Variants in FHIT observed in about 807,000 individuals in gnomAD.
The protein encoded by FHIT is fragile histidine triad diadenosine triphosphatase, also known as bis(5'-adenosyl)-triphosphatase.
A neutral mutation model predicts 17.9 loss-of-function variants in FHIT; 19 were observed. That is an observed-to-expected ratio of 1.06 (90% CI 0.74 to 1.56). The LOEUF (loss-of-function observed/expected upper bound fraction) is 1.56. Among genes scored for constraint, FHIT ranks in the 40% most tolerant of loss-of-function variants. The pLI is 0.00. For synonymous variants in FHIT, 81 were observed against 69.7 expected, an observed-to-expected ratio of 1.16 and a Z score of -0.81; for missense variants, 248 against 189.2, an observed-to-expected ratio of 1.31 and a Z score of -1.82.
intron 5 of FHIT, among the ~76,000 whole-genome samples, chr3:60,505,501 A>G: frequency 6.6e-6 from 1 of 152,254 alleles, no homozygotes; most frequent in East Asian, 1.9e-4. Context: ...ATCTTATGAC[A>G]AAGTTACAGA....
At chr3:60,752,662 CA>C (rs1226315201) in intron 4 of FHIT, among the ~76,000 whole-genome samples, 1 of 152,248 alleles carries the variant, frequency 6.6e-6, no homozygotes, top group African/African-American at 2.4e-5. Context: ...TTTCCAAATC[CA>C]ATCATGAGTG....
intron 5 of FHIT, among the ~76,000 whole-genome samples, chr3:60,436,610 T>G (rs1054672433): frequency 1.5e-4 from 23 of 152,210 alleles, no homozygotes; most frequent in African/African-American, 5.3e-4. Flanking sequence ...ACACCATTCT[T>G]CATAAATCAA....
chr3:61,192,502 A>C (rs969797327), intron 2 of FHIT, among the ~76,000 whole-genome samples: 2 of 152,210 alleles, frequency 1.3e-5, no homozygotes, highest in Non-Finnish European at 2.9e-5. Context: ...ATGCCTTCCC[A>C]TCAATCATGA....
At chr3:60,167,283 T>C (rs1470408994) in intron 5 of FHIT, among the ~76,000 whole-genome samples, 3 of 152,228 alleles carry the variant, frequency 2.0e-5, no homozygotes, top group Non-Finnish European at 2.9e-5. Flanking sequence ...AGAAGTATGA[T>C]GCTTGATAAC....
intron 9 of FHIT, 54 bp downstream of exon 9, chr3:59,752,167 C>A: frequency 7.7e-7 from 1 of 1,294,232 alleles, no homozygotes; most frequent in Non-Finnish European, 1.1e-6. Context: ...AGAGTGCAGC[C>A]TCTTTCCTGA....
chr3:60,049,877 A>C (rs1320439984), intron 5 of FHIT, among the ~76,000 whole-genome samples: 2 of 152,186 alleles, frequency 1.3e-5, no homozygotes, highest in Non-Finnish European at 2.9e-5. Context: ...ATCAGCAGGC[A>C]AATAGATTGT....
chr3:60,406,601 C>A (rs1701867431), intron 5 of FHIT, among the ~76,000 whole-genome samples: 2 of 140,232 alleles, frequency 1.4e-5, no homozygotes, highest in South Asian at 4.6e-4. Context: ...ATGTAAAGAT[C>A]AATCTTAATA....
intron 7 of FHIT, among the ~76,000 whole-genome samples, chr3:59,924,542 G>A (rs566848161): frequency 6.6e-6 from 1 of 152,286 alleles, no homozygotes; most frequent in South Asian, 2.1e-4. Flanking sequence ...TGCTAACCAT[G>A]TGCTGAGCAT....
chr3:59,983,363 G>A (rs945372059), intron 7 of FHIT, among the ~76,000 whole-genome samples: 12 of 152,066 alleles, frequency 7.9e-5, no homozygotes, highest in African/African-American at 2.9e-4. Context: ...ACTTTCTATG[G>A]TTTCAAGTTG....
chr3:60,241,690 C>T (rs924015608), intron 5 of FHIT, among the ~76,000 whole-genome samples: 5 of 151,980 alleles, frequency 3.3e-5, no homozygotes, highest in African/African-American at 1.2e-4. Context: ...TTCTGCGGAC[C>T]CATTCCCAGA....
intron 3 of FHIT, among the ~76,000 whole-genome samples, chr3:60,909,750 G>C (rs1293646525): frequency 3.9e-5 from 6 of 152,192 alleles, no homozygotes; most frequent in African/African-American, 1.4e-4. Flanking sequence ...GTAGCTGAGA[G>C]TGAATTCTAG....
At position 60,526,207 on chromosome 3, in the gene FHIT, T is replaced by C. The variant is rs890727532; in HGVS notation, c.103+10653A>G. Among the ~76,000 whole-genome samples the C allele has an allele frequency of 5.3e-5, 8 of 152,014 alleles. No individual in the cohort carries two copies. In the South Asian group the frequency reaches 1.5e-3, roughly 28 times the overall value. On this transcript the variant is annotated intron_variant, in intron 5 of 9. Transcript: ENST00000492590. ...TGTCCCTGGTCTAGCTCCAGTTCCA[T>C]CTGCTGGGAGCCTCTGCAAATACGG...
chr3:60,103,098 G>A (rs1704262021), intron 5 of FHIT, among the ~76,000 whole-genome samples: 1 of 152,158 alleles, frequency 6.6e-6, no homozygotes, highest in African/African-American at 2.4e-5. Flanking sequence ...CTTACTGCTT[G>A]ACCCAGCTCC....
chr3:60,199,569 G>A (rs1010622579), intron 5 of FHIT, among the ~76,000 whole-genome samples: 1 of 152,096 alleles, frequency 6.6e-6, no homozygotes, highest in South Asian at 2.1e-4. Flanking sequence ...GGGTAATAGC[G>A]AGAGAATTAA....
At chr3:60,590,357 C>T (rs988293456) in intron 4 of FHIT, among the ~76,000 whole-genome samples, 2 of 152,012 alleles carry the variant, frequency 1.3e-5, no homozygotes, top group Non-Finnish European at 2.9e-5. Flanking sequence ...CAGCAGCAAA[C>T]TAGAACCCCT....
At chr3:60,919,157 C>G (rs1707153721) in intron 3 of FHIT, among the ~76,000 whole-genome samples, 1 of 152,086 alleles carries the variant, frequency 6.6e-6, no homozygotes, top group Non-Finnish European at 1.5e-5. Flanking sequence ...TCATGTCAGG[C>G]TAAGGATTCT....
At chr3:60,378,468 C>G (rs1223198561) in intron 5 of FHIT, among the ~76,000 whole-genome samples, 1 of 152,178 alleles carries the variant, frequency 6.6e-6, no homozygotes, top group Non-Finnish European at 1.5e-5. Flanking sequence ...GTGGCACTTT[C>G]ATTTTTCTTC....
At chr3:60,960,778 C>G (rs1709387981) in intron 3 of FHIT, among the ~76,000 whole-genome samples, 1 of 152,232 alleles carries the variant, frequency 6.6e-6, no homozygotes, top group South Asian at 2.1e-4. Context: ...ATTTTTATGG[C>G]TGCATAGTAT....
intron 7 of FHIT, among the ~76,000 whole-genome samples, chr3:60,006,526 T>G (rs1323016829): frequency 6.6e-6 from 1 of 151,958 alleles, no homozygotes; most frequent in Admixed American, 6.6e-5. Flanking sequence ...TGAACTGGGG[T>G]GGACTGGTCA....
Sources: gnomAD v4.1 joint callset for allele counts (sites outside exome capture counted in the v4.1 genomes callset) on GRCh38, gnomAD v4.1.1 for gene constraint, MANE v1.5 for transcripts, NCBI Gene and HGNC (gene_info 2026-07-23, HGNC 2026-07-21) for gene names.